The following PDGFD variants were observed in gnomAD, a reference collection of about 807,000 sequenced individuals.
The protein encoded by PDGFD is platelet derived growth factor D, also known as platelet-derived growth factor D.
Under a neutral mutation model 44.7 loss-of-function variants are expected in PDGFD, and 30 were observed. The ratio of observed to expected loss-of-function variants is 0.67; its 90% confidence interval spans 0.50 to 0.91. The LOEUF is 0.91. PDGFD is among the 40% of genes least tolerant of loss of function. The pLI, the probability that PDGFD is intolerant of heterozygous loss-of-function variation, is 0.00. For synonymous variants in PDGFD, 173 were observed against 168.4 expected, an observed-to-expected ratio of 1.03 and a Z score of -0.21; for missense variants, 445 against 457.8, an observed-to-expected ratio of 0.97 and a Z score of 0.25.
intron 4 of PDGFD, among the ~76,000 whole-genome samples, chr11:103,944,890 G>A (rs1858646709): frequency 6.6e-6 from 1 of 152,128 alleles, no homozygotes; most frequent in African/African-American, 2.4e-5. Context: ...GGAAAAGGGA[G>A]TCAAGGGAGT....
intron 1 of PDGFD, among the ~76,000 whole-genome samples, chr11:104,097,055 C>T (rs1591161766): frequency 6.6e-6 from 1 of 152,198 alleles, no homozygotes; most frequent in Non-Finnish European, 1.5e-5. Flanking sequence ...CACTCTACGA[C>T]TGTTGAAAGA....
chr11:103,925,679 GTATATA>G lies in PDGFD; in HGVS notation c.987+1227_987+1232del, dbSNP rs367755559. Among the ~76,000 whole-genome samples the G allele has an allele frequency of 6.7e-5, 8 of 119,802 alleles. No homozygotes were observed. In the South Asian group the frequency reaches 8.8e-4, roughly 13 times the overall value. The allele number at this position is 119,802 out of a possible 152,430, so 78.6% of individuals were successfully genotyped here. The stretch of plus-strand genomic sequence containing the variant: ...TCTCTCTCTATGTGTGTGTGTCTGT[GTATATA>G]TATATATATATATACACAGACACAC... On this transcript the variant is annotated intron_variant, in intron 6 of 6. Coordinates refer to ENST00000393158, the MANE Select transcript of PDGFD (RefSeq NM_025208.5).
intron 1 of PDGFD, among the ~76,000 whole-genome samples, chr11:104,138,237 T>G (rs765126392): frequency 3.3e-5 from 5 of 152,126 alleles, no homozygotes; most frequent in South Asian, 4.1e-4. Context: ...AGAGAAAAAA[T>G]GACAACACAT....
chr11:103,947,553 T>G, intron 4 of PDGFD, 109 bp downstream of exon 4: 1 of 787,348 alleles, frequency 1.3e-6, no homozygotes, highest in South Asian at 1.4e-5. Context: ...GTTTGAGATC[T>G]AGCTTTTGAT....
At chr11:104,080,045 T>TAA (rs1490197128) in intron 1 of PDGFD, among the ~76,000 whole-genome samples, 2 of 152,198 alleles carry the variant, frequency 1.3e-5, no homozygotes, top group African/African-American at 4.8e-5. Context: ...CCCTATGAGT[T>TAA]ACTCTTAGTC....
At chr11:104,045,825 G>A (rs1190073095) in intron 1 of PDGFD, among the ~76,000 whole-genome samples, 1 of 147,116 alleles carries the variant, frequency 6.8e-6, no homozygotes, top group East Asian at 2.0e-4. Flanking sequence ...AAGGGGTGAG[G>A]TAAAAGACAA....
intron 1 of PDGFD, among the ~76,000 whole-genome samples, chr11:104,012,953 G>A (rs986557471): frequency 3.9e-5 from 6 of 152,220 alleles, no homozygotes; most frequent in African/African-American, 1.4e-4. Context: ...TGGGCCTGCG[G>A]CCCTAAATGA....
chr11:103,943,415 T>A, intron 5 of PDGFD, 37 bp downstream of exon 5: 1 of 1,566,266 alleles, frequency 6.4e-7, no homozygotes, highest in Non-Finnish European at 8.8e-7. Context: ...AAGATTTCTA[T>A]GTGCTTATGA....
chr11:104,118,163 C>T (rs1591172656), intron 1 of PDGFD, among the ~76,000 whole-genome samples: 2 of 151,942 alleles, frequency 1.3e-5, no homozygotes, highest in African/African-American at 2.4e-5. Flanking sequence ...GTTTGTGCCC[C>T]TTCCAAGTTG....
intron 1 of PDGFD, among the ~76,000 whole-genome samples, chr11:104,084,032 T>A (rs1050332191): frequency 1.3e-5 from 2 of 152,228 alleles, no homozygotes; most frequent in Non-Finnish European, 2.9e-5. Context: ...GCCTGTGAGT[T>A]ACCACGCACT....
chr11:104,037,033 A>G lies in PDGFD; in HGVS notation c.125-36778T>C, dbSNP rs892636984. ...CTCCTACGGCCTCAAAGATGGCGAT[A>G]TCGTGGTTTTACTGCAGAAGGACAA... On this transcript the variant is annotated intron_variant, in intron 1 of 6. Coordinates refer to ENST00000393158, the MANE Select transcript of PDGFD (RefSeq NM_025208.5). 9.3e-6 allele frequency: 15 copies of G among 1,614,092 alleles called. No individual in the cohort carries two copies. In the Admixed American group the frequency reaches 2.3e-4, roughly 25 times the overall value.
chr11:104,057,491 A>G (rs1432399241), intron 1 of PDGFD, among the ~76,000 whole-genome samples: 1 of 49,624 alleles, frequency 2.0e-5, no homozygotes, highest in Non-Finnish European at 3.5e-5. Flanking sequence ...TCATGGACAC[A>G]AAGAAGCCAA....
intron 1 of PDGFD, among the ~76,000 whole-genome samples, chr11:104,082,188 C>T (rs1333888238): frequency 7.2e-6 from 1 of 138,500 alleles, no homozygotes; most frequent in Non-Finnish European, 1.5e-5. Context: ...TTTGACATCA[C>T]CCAAGTCATA....
chr11:103,973,201 C>T (rs545871754), intron 3 of PDGFD, among the ~76,000 whole-genome samples: 2 of 149,692 alleles, frequency 1.3e-5, no homozygotes, highest in Non-Finnish European at 3.0e-5. Context: ...TGCAGTGGCA[C>T]GATCTTGGCT....
chr11:104,153,684 A>T (rs1862271965), intron 1 of PDGFD, among the ~76,000 whole-genome samples: 1 of 152,218 alleles, frequency 6.6e-6, no homozygotes, highest in Non-Finnish European at 1.5e-5. Context: ...AATATGTTAC[A>T]AACTAATTAC....
chr11:103,941,122 C>G (rs1000221724), intron 5 of PDGFD, among the ~76,000 whole-genome samples: 6 of 152,024 alleles, frequency 3.9e-5, no homozygotes, highest in African/African-American at 1.2e-4. Context: ...CTGGCTGTCT[C>G]TAAGGATCAC....
intron 3 of PDGFD, among the ~76,000 whole-genome samples, chr11:103,949,755 T>C (rs1014799761): frequency 3.3e-5 from 5 of 152,226 alleles, no homozygotes; most frequent in Middle Eastern, 3.2e-3. Context: ...GGTGCTCTGA[T>C]ACCAGTCTAC....
In PDGFD at chr11:104,136,837, A is replaced by G. The variant is rs143154125; in HGVS notation, c.124+26967T>C. On this transcript the variant is annotated intron_variant, in intron 1 of 6. Transcript: ENST00000393158. ...ATGAAGAATTTGTCCTGTCTGCTAG[A>G]CTAGATGCTTTTAAGAAATAATCAA... Among the ~76,000 whole-genome samples, 484 of 152,320 alleles carry G rather than the reference A, an allele frequency of 3.2e-3. 3 individuals carry two copies. Among genetic ancestry groups the G allele is most frequent in the Non-Finnish European group, 4.8e-3 (329 of 68,026 alleles).
intron 1 of PDGFD, among the ~76,000 whole-genome samples, chr11:104,077,293 T>C (rs938410180): frequency 5.3e-5 from 8 of 152,250 alleles, no homozygotes; most frequent in African/African-American, 1.9e-4. Flanking sequence ...GTCAAGAAGA[T>C]ACTAAGGTCA....
Sources: gnomAD v4.1 joint callset for allele counts (sites outside exome capture counted in the v4.1 genomes callset) on GRCh38, gnomAD v4.1.1 for gene constraint, MANE v1.5 for transcripts, NCBI Gene and HGNC (gene_info 2026-07-23, HGNC 2026-07-21) for gene names.